The following PTPRN2 variants were observed in gnomAD, a reference collection of about 807,000 sequenced individuals.
The protein encoded by PTPRN2 is receptor-type tyrosine-protein phosphatase N2.
Under a neutral mutation model 118.8 loss-of-function variants are expected in PTPRN2, and 74 were observed. The ratio of observed to expected loss-of-function variants is 0.62; its 90% CI spans 0.52 to 0.76. The LOEUF (loss-of-function observed/expected upper bound fraction) is 0.76. PTPRN2 is among the 30% of genes least tolerant of loss of function. PTPRN2 has a pLI of 0.00. For synonymous variants in PTPRN2, 641 were observed against 608.0 expected, an observed-to-expected ratio of 1.05 and a Z score of -0.80; for missense variants, 1,481 against 1,394.4, an observed-to-expected ratio of 1.06 and a Z score of -0.99.
At chr7:158,307,899 G>T (rs991554221) in intron 3 of PTPRN2, among the ~76,000 whole-genome samples, 6 of 152,088 alleles carry the variant, frequency 3.9e-5, no homozygotes, top group African/African-American at 1.2e-4. Flanking sequence ...TTTCTAAGAA[G>T]AGGAAGGGAG....
intron 3 of PTPRN2, among the ~76,000 whole-genome samples, chr7:158,253,347 T>C (rs1796809482): frequency 2.0e-5 from 3 of 152,304 alleles, no homozygotes; most frequent in Middle Eastern, 3.4e-3. Context: ...GCTCTGCCCA[T>C]TAAATACACT....
At chr7:157,718,932 G>C (rs1389089323) in intron 12 of PTPRN2, among the ~76,000 whole-genome samples, 1 of 152,176 alleles carries the variant, frequency 6.6e-6, no homozygotes, top group Admixed American at 6.5e-5. Flanking sequence ...ACTGTAGCCT[G>C]CCATGCCCCA....
intron 3 of PTPRN2, among the ~76,000 whole-genome samples, chr7:158,218,227 G>C (rs1828092962): frequency 6.6e-6 from 1 of 151,384 alleles, no homozygotes; most frequent in Non-Finnish European, 1.5e-5. Flanking sequence ...AACCCACCAG[G>C]CTGATAGCAG....
chr7:158,178,589 CTTTTTTTTTTTTTTTTTT>C (rs56710690), intron 5 of PTPRN2, among the ~76,000 whole-genome samples: 1 of 67,390 alleles, frequency 1.5e-5, no homozygotes, highest in Non-Finnish European at 2.8e-5. Context: ...CATTTTCTTT[CTTTTTTTTTTTTTTTTTT>C]TTTTTTTTTA....
At chr7:158,542,433 G>T (rs944918666) in intron 1 of PTPRN2, among the ~76,000 whole-genome samples, 3 of 152,324 alleles carry the variant, frequency 2.0e-5, no homozygotes, top group Non-Finnish European at 2.9e-5. Context: ...GATTACGGGC[G>T]TGAGCCACGG....
intron 9 of PTPRN2, among the ~76,000 whole-genome samples, chr7:158,129,819 G>A (rs920596529): frequency 1.3e-5 from 2 of 152,174 alleles, no homozygotes; most frequent in African/African-American, 4.8e-5. Context: ...CACTGGGCTT[G>A]AGAGCAAAGA....
At chr7:158,251,598 G>T (rs537229384) in intron 3 of PTPRN2, among the ~76,000 whole-genome samples, 1 of 150,968 alleles carries the variant, frequency 6.6e-6, no homozygotes, top group Non-Finnish European at 1.5e-5. Flanking sequence ...TGTCTATGGT[G>T]CATGTGGGGC....
chr7:158,337,242 C>G (rs1460062103), intron 2 of PTPRN2, among the ~76,000 whole-genome samples: 1 of 151,512 alleles, frequency 6.6e-6, no homozygotes, highest in African/African-American at 2.4e-5. Context: ...CACATTCTCA[C>G]CATAAGAGCT....
intron 10 of PTPRN2, among the ~76,000 whole-genome samples, chr7:158,100,002 T>C (rs2878537): frequency 0.97 from 146,170 of 151,248 alleles, 70,679 homozygotes; most frequent in Middle Eastern, 0.98. Context: ...AGTTCTCTAA[T>C]GGTGATGTGT....
chr7:158,020,744 G>A (rs1806814685), intron 11 of PTPRN2, among the ~76,000 whole-genome samples: 2 of 152,206 alleles, frequency 1.3e-5, no homozygotes, highest in African/African-American at 4.8e-5. Flanking sequence ...AGGTAAGAAA[G>A]ACAAAAGTAG....
intron 14 of PTPRN2, among the ~76,000 whole-genome samples, chr7:157,634,057 CT>C (rs1180199922): frequency 6.6e-6 from 1 of 152,152 alleles, no homozygotes; most frequent in African/African-American, 2.4e-5. Context: ...AATGAGAGAA[CT>C]GGGCAGGGTG....
chr7:158,433,161 A>T (rs1406222884), intron 2 of PTPRN2, among the ~76,000 whole-genome samples: 1 of 152,358 alleles, frequency 6.6e-6, no homozygotes, highest in South Asian at 2.1e-4. Context: ...ATTTAATTGC[A>T]TGGAACATCC....
At chr7:157,978,741 TC>T (rs1802926635) in intron 11 of PTPRN2, among the ~76,000 whole-genome samples, 1 of 151,962 alleles carries the variant, frequency 6.6e-6, no homozygotes, top group South Asian at 2.1e-4. Flanking sequence ...CACTTTCTGT[TC>T]CCTTCCTCAA....
chr7:157,945,854 G>A (rs1176093881), intron 11 of PTPRN2, among the ~76,000 whole-genome samples: 1 of 152,064 alleles, frequency 6.6e-6, no homozygotes. Flanking sequence ...GGCTTCAGTT[G>A]TCCCATCAGA....
At chr7:158,154,377 GT>G (rs1388714282) in intron 6 of PTPRN2, among the ~76,000 whole-genome samples, 1 of 152,198 alleles carries the variant, frequency 6.6e-6, no homozygotes, top group African/African-American at 2.4e-5. Context: ...TAGTAAGTGT[GT>G]TGTCTACTAC....
At chr7:157,897,813 T>G (rs1797217848) in intron 12 of PTPRN2, among the ~76,000 whole-genome samples, 1 of 152,280 alleles carries the variant, frequency 6.6e-6, no homozygotes, top group Non-Finnish European at 1.5e-5. Context: ...GGCTCTGCTG[T>G]GCAGCGAGCA....
chr7:157,860,153 C>T (rs191679911), intron 12 of PTPRN2, among the ~76,000 whole-genome samples: 162 of 152,348 alleles, frequency 1.1e-3, no homozygotes, highest in African/African-American at 3.8e-3. Context: ...GGGGGAGCCT[C>T]GAGACTTGCA....
intron 2 of PTPRN2, among the ~76,000 whole-genome samples, chr7:158,323,087 G>A (rs893090848): frequency 6.6e-6 from 1 of 152,212 alleles, no homozygotes; most frequent in African/African-American, 2.4e-5. Context: ...TATTCTGGGA[G>A]ACGTTCTGTA....
intron 1 of PTPRN2, among the ~76,000 whole-genome samples, chr7:158,497,846 G>A (rs1267318529): frequency 6.6e-6 from 1 of 152,254 alleles, no homozygotes; most frequent in Non-Finnish European, 1.5e-5. Context: ...TCCGTCCCCT[G>A]TGCTGGGAGG....
Sources: allele counts gnomAD v4.1 joint callset (sites outside exome capture counted in the v4.1 genomes callset), GRCh38; gene constraint gnomAD v4.1.1; transcripts MANE v1.5; gene names NCBI Gene and HGNC (gene_info 2026-07-23, HGNC 2026-07-21).